The following SRP68 variants were observed in gnomAD, a reference collection of about 807,000 sequenced individuals.
The protein encoded by SRP68 is signal recognition particle 68.
SRP68 carries 15 observed loss-of-function variants against 82.2 expected under a neutral mutation model. The ratio of observed to expected loss-of-function variants is 0.18; its 90% CI spans 0.12 to 0.28. The LOEUF is 0.28. SRP68 is among the 10% of genes least tolerant of loss of function. The pLI is 1.00. For missense variants in SRP68, 595 were observed against 780.5 expected, an observed-to-expected ratio of 0.76 and a Z score of 2.83; for synonymous variants, 261 against 292.6, an observed-to-expected ratio of 0.89 and a Z score of 1.10.
chr17:76,063,635 C>T (rs1256413703), intron 4 of SRP68, among the ~76,000 whole-genome samples: 1 of 149,840 alleles, frequency 6.7e-6, no homozygotes, highest in Non-Finnish European at 1.5e-5. Flanking sequence ...TTGCAGTGAG[C>T]TGAGAACGCG....
At chr17:76,050,553 G>T in intron 8 of SRP68, 27 bp from the exon 9 acceptor site, 3 of 1,577,408 alleles carry the variant, frequency 1.9e-6, no homozygotes, top group East Asian at 2.2e-5. Context: ...CAAAGTAAGA[G>T]ACTTTCCTTT....
intron 4 of SRP68, among the ~76,000 whole-genome samples, chr17:76,062,615 A>ATATACATTATATATTATATAT (rs2066766457): frequency 9.6e-5 from 4 of 41,530 alleles, no homozygotes; most frequent in African/African-American, 2.6e-4. Flanking sequence ...ATATTATATA[A>ATATACATTATATATTATATAT]TATATAATAT....
intron 2 of SRP68, 39 bp from the exon 3 acceptor site, chr17:76,067,369 G>A (rs372510981): frequency 2.7e-6 from 4 of 1,459,158 alleles, no homozygotes; most frequent in African/African-American, 1.4e-5. Context: ...CAGCCAAGCT[G>A]AGAGTATTTT....
At chr17:76,049,723 T>C (rs1285601137) in intron 9 of SRP68, 1 of 152,184 alleles carries the variant, frequency 6.6e-6, no homozygotes, top group Non-Finnish European at 1.5e-5. Flanking sequence ...TATGACAAAT[T>C]AGTCAAATAA....
At chr17:76,045,988 C>A (rs1296274679) in intron 11 of SRP68, 50 bp downstream of exon 11, 1 of 1,607,672 alleles carries the variant, frequency 6.2e-7, no homozygotes, top group East Asian at 2.2e-5. Context: ...GTGTCCGACA[C>A]AGGCAAAGGA....
At chr17:76,055,123 AT>A (rs113414564) in intron 8 of SRP68, among the ~76,000 whole-genome samples, 80 of 147,798 alleles carry the variant, frequency 5.4e-4, no homozygotes, top group African/African-American at 1.7e-3. Context: ...CACCCGGCTA[AT>A]TTTTTTTTTG....
chr17:76,040,601 G>A, intron 14 of SRP68, 127 bp from the exon 15 acceptor site: 1 of 912,512 alleles, frequency 1.1e-6, no homozygotes, highest in Non-Finnish European at 1.8e-6. Context: ...GGGGAAGCCA[G>A]GCCTGTCTCC....
At chr17:76,067,139 G>T in intron 3 of SRP68, 78 bp downstream of exon 3, 1 of 1,085,118 alleles carries the variant, frequency 9.2e-7, no homozygotes. Flanking sequence ...AAAAGGTTTG[G>T]CATGAAGTCT....
Position 76,039,197 on chromosome 17 carries a change from A to G in SRP68, c.*509T>C. Reference sequence around the variant, plus strand: ...AAAATAGAGCTCTCTGCTTGTCTGAAACTTCTTAGCGTTCACTGGGAGGTG... The same window carrying G: ...AAAATAGAGCTCTCTGCTTGTCTGAGACTTCTTAGCGTTCACTGGGAGGTG... On this transcript the variant is annotated 3_prime_UTR_variant, in exon 16 of 16. Transcript: ENST00000307877. The G allele has an allele frequency of 2.8e-6, 1 of 353,816 alleles. No homozygotes were observed. Among genetic ancestry groups the G allele is most frequent in the Middle Eastern group, 3.8e-4 (1 of 2,608 alleles). The allele number at this position is 353,816 out of a possible 1,614,324, so 21.9% of individuals were successfully genotyped here.
chr17:76,050,422 T>A lies in SRP68; in HGVS notation c.1077+6A>T. 6.2e-7 allele frequency: 1 copy of A among 1,610,104 alleles called. No individual in the cohort carries two copies. Among genetic ancestry groups the A allele is most frequent in the Non-Finnish European group, 8.5e-7 (1 of 1,176,606 alleles). ...GCAAGAACCAGGGCTCGGCTGAGGG[T>A]CCTACCTGATCTGGCTTGAGCTCCT... On this transcript the variant is annotated splice_donor_region_variant and intron_variant, in intron 9 of 15. Transcript: ENST00000307877.
chr17:76,044,377 G>T (rs556942312), intron 12 of SRP68, among the ~76,000 whole-genome samples: 1 of 152,328 alleles, frequency 6.6e-6, no homozygotes, highest in South Asian at 2.1e-4. Flanking sequence ...GGTTCTTCCT[G>T]AGTCAAATTC....
chr17:76,060,493 C>A, intron 6 of SRP68, 103 bp from the exon 7 acceptor site: 3 of 733,878 alleles, frequency 4.1e-6, no homozygotes, highest in Admixed American at 2.4e-5. Flanking sequence ...CCACATGCTA[C>A]TTCAATGAAT....
At chr17:76,043,679 C>T (rs2066608291) in intron 13 of SRP68, 150 bp downstream of exon 13, 1 of 693,176 alleles carries the variant, frequency 1.4e-6, no homozygotes. Flanking sequence ...CAGCCTGCAG[C>T]TCCTGGGCAG....
intron 2 of SRP68, among the ~76,000 whole-genome samples, chr17:76,068,849 G>C (rs926776741): frequency 6.6e-6 from 1 of 151,922 alleles, no homozygotes; most frequent in Admixed American, 6.6e-5. Context: ...AGCAATTCTC[G>C]GGCCTCATCC....
rs1031630102 is a variant in SRP68 at position 76,039,318 on chromosome 17, A to G, written c.*388T>C. The G allele has an allele frequency of 1.5e-5, 7 of 467,360 alleles. No homozygotes were observed. The Middle Eastern group carries it at 1.3e-3, about 86-fold the overall frequency. 29.0% of individuals were successfully genotyped at this position (467,360 alleles called of 1,614,324 possible). A position where few individuals can be genotyped will look rare whatever the true frequency, so the allele number is the denominator to read the frequency against. On this transcript the variant is annotated 3_prime_UTR_variant, in exon 16 of 16. Coordinates refer to ENST00000307877, the MANE Select transcript of SRP68 (RefSeq NM_014230.4). Reference sequence around the variant, plus strand: ...GGGCTCCTGGATGCTCACAGCAAGGATGAGTTCATTTCAAATCCATGGTAC... The same window carrying G: ...GGGCTCCTGGATGCTCACAGCAAGGGTGAGTTCATTTCAAATCCATGGTAC...
intron 4 of SRP68, among the ~76,000 whole-genome samples, chr17:76,063,317 T>G (rs906536021): frequency 2.0e-5 from 3 of 152,106 alleles, no homozygotes; most frequent in African/African-American, 7.2e-5. Flanking sequence ...CAAAAAAAAG[T>G]TTACTTTGTG....
intron 8 of SRP68, among the ~76,000 whole-genome samples, chr17:76,052,728 C>T (rs998979378): frequency 4.0e-5 from 6 of 149,324 alleles, no homozygotes; most frequent in Admixed American, 6.8e-5. Context: ...GGCGTGAACC[C>T]GGGAGGCGGA....
intron 3 of SRP68, among the ~76,000 whole-genome samples, chr17:76,065,267 C>G (rs1432567853): frequency 6.6e-6 from 1 of 151,688 alleles, no homozygotes; most frequent in Non-Finnish European, 1.5e-5. Context: ...CTGGTCAGCA[C>G]AGCGAGATCC....
intron 13 of SRP68, chr17:76,041,260 G>A: frequency 4.0e-6 from 1 of 252,276 alleles, no homozygotes. Flanking sequence ...TTCTAAGCAG[G>A]TTACATAATC....
Sources: allele counts gnomAD v4.1 joint callset (sites outside exome capture counted in the v4.1 genomes callset), GRCh38; gene constraint gnomAD v4.1.1; transcripts MANE v1.5; gene names NCBI Gene and HGNC (gene_info 2026-07-23, HGNC 2026-07-21).